The following PDE4B variants were observed in gnomAD, a reference collection of about 807,000 sequenced individuals.
PDE4B encodes the protein 3',5'-cyclic-AMP phosphodiesterase 4B.
A neutral mutation model predicts 82.2 loss-of-function variants in PDE4B; 20 were observed. The ratio of observed to expected loss-of-function variants is 0.24; its 90% CI spans 0.17 to 0.35. The LOEUF (loss-of-function observed/expected upper bound fraction) is 0.35, where lower values mean the gene tolerates loss of function less well. Among genes scored for constraint, PDE4B ranks in the 10% least tolerant of loss-of-function variants. The pLI is 1.00. For synonymous variants in PDE4B, 320 were observed against 318.9 expected (o/e 1.00, Z -0.04); for missense variants, 655 against 907.2 (o/e 0.72, Z 3.57).
chr1:65,825,705 C>CCTGTCTGTCTGTCTATCTATCTATCTAT (rs752252352), intron 1 of PDE4B, among the ~76,000 whole-genome samples: 1 of 107,374 alleles, frequency 9.3e-6, no homozygotes, highest in African/African-American at 3.2e-5. Context: ...AACAAAATTA[C>CCTGTCTGTCTGTCTATCTATCTATCTAT]CTATCTATCT....
intron 7 of PDE4B, among the ~76,000 whole-genome samples, chr1:66,322,078 T>C (rs1343318344): frequency 6.6e-6 from 1 of 152,174 alleles, no homozygotes; most frequent in Non-Finnish European, 1.5e-5. Context: ...GGGTAATGAT[T>C]CCCTATTTAA....
At chr1:66,094,588 C>T (rs557197697) in intron 3 of PDE4B, 6 of 152,084 alleles carry the variant, frequency 3.9e-5, no homozygotes, top group Admixed American at 6.6e-5. Context: ...TCTTGGCTTA[C>T]GAACTTTGAG....
chr1:65,846,525 G>C (rs1023198982), intron 1 of PDE4B, among the ~76,000 whole-genome samples: 15 of 152,110 alleles, frequency 9.9e-5, no homozygotes, highest in Admixed American at 3.3e-4. Context: ...TATTTTTAAT[G>C]GCCTTGAATG....
intron 3 of PDE4B, among the ~76,000 whole-genome samples, chr1:66,073,335 C>T (rs931604751): frequency 1.3e-5 from 2 of 152,130 alleles, no homozygotes; most frequent in African/African-American, 4.8e-5. Context: ...GACTTTATTT[C>T]TTCAAACCTA....
intron 1 of PDE4B, among the ~76,000 whole-genome samples, chr1:65,854,787 C>T (rs190595587): frequency 3.4e-4 from 52 of 151,814 alleles, no homozygotes; most frequent in Admixed American, 1.4e-3. Context: ...AAGTATTTTT[C>T]CATTTTCCCC....
intron 8 of PDE4B, among the ~76,000 whole-genome samples, chr1:66,339,376 G>A (rs1408965796): frequency 6.6e-6 from 1 of 152,200 alleles, no homozygotes; most frequent in East Asian, 1.9e-4. Context: ...AAATCAAAGA[G>A]TTTGAAAGTT....
chr1:66,070,840 A>T (rs895883029), intron 3 of PDE4B, among the ~76,000 whole-genome samples: 3 of 152,196 alleles, frequency 2.0e-5, no homozygotes, highest in African/African-American at 7.2e-5. Context: ...TTTGTTTAAG[A>T]ACATGTTTTT....
chr1:65,903,662 T>C (rs1343251280), intron 1 of PDE4B, among the ~76,000 whole-genome samples: 2 of 152,204 alleles, frequency 1.3e-5, no homozygotes, highest in Non-Finnish European at 2.9e-5. Context: ...TAAAGACCAA[T>C]AAAAATGTAT....
At chr1:66,058,130 C>T (rs1259757972) in intron 3 of PDE4B, among the ~76,000 whole-genome samples, 1 of 152,174 alleles carries the variant, frequency 6.6e-6, no homozygotes, top group East Asian at 1.9e-4. Flanking sequence ...GCTACAGGCC[C>T]CATGTAAGTC....
intron 3 of PDE4B, among the ~76,000 whole-genome samples, chr1:66,102,219 T>G (rs1326046586): frequency 6.6e-6 from 1 of 151,948 alleles, no homozygotes; most frequent in African/African-American, 2.4e-5. Context: ...TCTTTTAGAG[T>G]TTTTTGGGTT....
At chr1:66,243,674 A>G (rs1653067089) in intron 3 of PDE4B, among the ~76,000 whole-genome samples, 1 of 152,194 alleles carries the variant, frequency 6.6e-6, no homozygotes, top group Non-Finnish European at 1.5e-5. Flanking sequence ...AGTTATGGGA[A>G]GCACCACTTC....
At chr1:66,339,232 G>A (rs1660775785) in intron 8 of PDE4B, among the ~76,000 whole-genome samples, 2 of 152,164 alleles carry the variant, frequency 1.3e-5, no homozygotes, top group Non-Finnish European at 2.9e-5. Context: ...AAATAAAGAT[G>A]AAAGAGAAGA....
At chr1:65,931,997 G>A (rs897141779) in intron 3 of PDE4B, among the ~76,000 whole-genome samples, 4 of 152,174 alleles carry the variant, frequency 2.6e-5, no homozygotes, top group Admixed American at 2.6e-4. Flanking sequence ...TCAACACAGA[G>A]CAAGAAAATG....
chr1:66,026,957 C>G (rs1290570078), intron 3 of PDE4B, among the ~76,000 whole-genome samples: 1 of 152,200 alleles, frequency 6.6e-6, no homozygotes, highest in Non-Finnish European at 1.5e-5. Flanking sequence ...TTTTTCTTAA[C>G]AGCTGCAAAC....
chr1:65,849,716 AAAC>A (rs557673347), intron 1 of PDE4B, among the ~76,000 whole-genome samples: 52 of 152,240 alleles, frequency 3.4e-4, no homozygotes, highest in African/African-American at 1.1e-3. Flanking sequence ...AAAAGAAAAA[AAAC>A]AACAACACAA....
Position 65,869,581 on chromosome 1 carries a change from G to T in PDE4B, c.-70-43664G>T, listed in dbSNP as rs1029939436. Among the ~76,000 whole-genome samples, 113 of 152,266 alleles carry T rather than the reference G, an allele frequency of 7.4e-4. 1 individual carries two copies. The highest frequency in any genetic ancestry group is 2.6e-3 in the African/African-American group (110 of 41,548). On this transcript the variant is annotated intron_variant, in intron 1 of 16. Transcript: ENST00000341517. ...ATCATCATGAATTTAAATATTAGTT[G>T]TCAGTTCTCAATGACAAGAATAGCA...
chr1:66,194,582 G>A (rs550430257), intron 3 of PDE4B, among the ~76,000 whole-genome samples: 83 of 148,180 alleles, frequency 5.6e-4, no homozygotes, highest in African/African-American at 1.8e-3. Flanking sequence ...TCCATGCTGA[G>A]CAGAAGGTTA....
chr1:65,852,593 C>G (rs1167319593), intron 1 of PDE4B, among the ~76,000 whole-genome samples: 1 of 151,926 alleles, frequency 6.6e-6, no homozygotes, highest in Non-Finnish European at 1.5e-5. Context: ...ATCCATGTCT[C>G]TCACTGTAAA....
At chr1:65,980,350 G>A (rs1412782128) in intron 3 of PDE4B, among the ~76,000 whole-genome samples, 1 of 152,078 alleles carries the variant, frequency 6.6e-6, no homozygotes, top group Non-Finnish European at 1.5e-5. Context: ...AACTGAAAAT[G>A]TACAGAAAAA....
Sources: gnomAD v4.1 joint callset for allele counts (sites outside exome capture counted in the v4.1 genomes callset) on GRCh38, gnomAD v4.1.1 for gene constraint, MANE v1.5 for transcripts, NCBI Gene and HGNC (gene_info 2026-07-23, HGNC 2026-07-21) for gene names.